GAB2: variants seen among roughly 807,000 people sequenced by gnomAD.
The protein encoded by GAB2 is GRB2 associated binding protein 2, also known as GRB2-associated-binding protein 2.
In GAB2, 26 loss-of-function variants were observed where a neutral mutation model predicts 65.5. That is an observed-to-expected ratio of 0.40 (90% CI 0.29 to 0.55). The LOEUF (loss-of-function observed/expected upper bound fraction) is 0.55, where lower values mean the gene tolerates loss of function less well. Ranked by LOEUF, GAB2 falls within the 20% of genes least tolerant of loss-of-function variation. The pLI is 0.53. For missense variants in GAB2, 884 were observed against 875.8 expected (o/e 1.01, Z -0.12); for synonymous variants, 321 against 329.6 (o/e 0.97, Z 0.28).
At position 78,219,217 on chromosome 11, in the gene GAB2, T is replaced by C. The variant is rs1005510814; in HGVS notation, c.*55A>G. 26 of 1,543,664 alleles carry C rather than the reference T, an allele frequency of 1.7e-5. No individual in the cohort carries two copies. The Admixed American group carries it at 4.4e-4, about 26-fold the overall frequency. ...AGAACGGGAGAGGGGAGAGGGGAGA[T>C]GGGAAGGGCCAGCTCTGGAGATGCT... On this transcript the variant is annotated 3_prime_UTR_variant, in exon 10 of 10. Transcript: ENST00000361507.
In GAB2 at chr11:78,221,705, C is replaced by A. The variant is rs750684716; in HGVS notation, c.1733G>T (p.Gly578Val). The change falls in exon 8 of 10, where the codon GGA (glycine) becomes GTA (valine). Residue 578 changes from glycine (G) to valine (V), a missense_variant. Physicochemically the swap from Gly to Val is moderately radical, Grantham distance 109 (BLOSUM62 -3). Transcript: ENST00000361507. ...STQSITSTDS[G>V]DSEENYVPMQ... ...AGGGACATAGTTCTCTTCGCTGTCT[C>A]CTGAGTCTGTGCTGGTGATGCTCTG... is the stretch of plus-strand genomic sequence containing the variant. 5 of 1,613,278 alleles carry A rather than the reference C, an allele frequency of 3.1e-6. No homozygotes were observed. In the African/African-American group the frequency reaches 6.7e-5, roughly 22 times the overall value.
chr11:78,248,908 TTCAGTGACCTTGGCTAAC>T (rs1288922372), intron 3 of GAB2, among the ~76,000 whole-genome samples: 1 of 152,216 alleles, frequency 6.6e-6, no homozygotes, highest in African/African-American at 2.4e-5. Flanking sequence ...CACTAACTAG[TTCAGTGACCTTGGCTAAC>T]TCACTCTATC....
intron 2 of GAB2, among the ~76,000 whole-genome samples, chr11:78,268,422 A>C (rs956800974): frequency 6.6e-6 from 1 of 152,210 alleles, no homozygotes; most frequent in African/African-American, 2.4e-5. Context: ...TCAGAGGTCC[A>C]AGGTGACCTT....
At chr11:78,335,572 G>C (rs901847142) in intron 1 of GAB2, among the ~76,000 whole-genome samples, 11 of 152,074 alleles carry the variant, frequency 7.2e-5, no homozygotes, top group African/African-American at 2.7e-4. Flanking sequence ...TTTGTTTCTG[G>C]GTTCTCTATT....
chr11:78,284,455 G>A (rs1458649029), intron 1 of GAB2, among the ~76,000 whole-genome samples: 1 of 152,246 alleles, frequency 6.6e-6, no homozygotes, highest in African/African-American at 2.4e-5. Context: ...ATGGGACTGA[G>A]CCTCATCCCA....
intron 1 of GAB2, among the ~76,000 whole-genome samples, chr11:78,343,353 A>C (rs1041341554): frequency 7.3e-6 from 1 of 136,256 alleles, no homozygotes; most frequent in Non-Finnish European, 1.6e-5. Context: ...TAGTACAAGA[A>C]GGAATAATGT....
intron 1 of GAB2, among the ~76,000 whole-genome samples, chr11:78,373,976 GATGGTTTACCCTGGAA>G (rs1856603526): frequency 6.6e-6 from 1 of 152,220 alleles, no homozygotes; most frequent in Admixed American, 6.5e-5. Context: ...GCTAAGTGAA[GATGGTTTACCCTGGAA>G]ACCTGAGACT....
At chr11:78,291,387 A>T (rs1231304707) in intron 1 of GAB2, among the ~76,000 whole-genome samples, 1 of 150,228 alleles carries the variant, frequency 6.7e-6, no homozygotes, top group Non-Finnish European at 1.5e-5. Context: ...AATGGCTTGA[A>T]CCTGGGAGGC....
intron 1 of GAB2, among the ~76,000 whole-genome samples, chr11:78,288,521 A>G (rs139669350): frequency 1.6e-4 from 24 of 152,342 alleles, no homozygotes; most frequent in African/African-American, 5.8e-4. Context: ...TCATACAGAA[A>G]TCAATTTACT....
intron 1 of GAB2, chr11:78,388,060 T>TA (rs1348929218): frequency 1.3e-5 from 2 of 149,392 alleles, no homozygotes; most frequent in Non-Finnish European, 1.5e-5. Flanking sequence ...TTTTTTTTTT[T>TA]AGACAGAGTC....
intron 2 of GAB2, among the ~76,000 whole-genome samples, chr11:78,272,011 G>A (rs534241909): frequency 2.0e-5 from 3 of 152,314 alleles, no homozygotes; most frequent in East Asian, 1.9e-4. Context: ...TGCCATCCAC[G>A]TAAGACATGA....
At chr11:78,234,103 C>T (rs953512936) in intron 3 of GAB2, among the ~76,000 whole-genome samples, 2 of 152,002 alleles carry the variant, frequency 1.3e-5, no homozygotes, top group Non-Finnish European at 2.9e-5. Flanking sequence ...TATTTAAATA[C>T]AGGGTCTTAT....
intron 1 of GAB2, among the ~76,000 whole-genome samples, chr11:78,349,037 G>C (rs1856233460): frequency 6.6e-6 from 1 of 152,230 alleles, no homozygotes; most frequent in African/African-American, 2.4e-5. Flanking sequence ...GGAAGGGAAA[G>C]ACTGCAAAGG....
chr11:78,349,104 T>C lies in GAB2; in HGVS notation c.76-68203A>G, dbSNP rs1472822859. On this transcript the variant is annotated intron_variant, in intron 1 of 9. Transcript: ENST00000361507. Reference sequence around the variant, plus strand: ...TGTTCTACATCTTCAATGTAGTACTTGTTTCATGAGTACGGACAGACACCT... The same window carrying C: ...TGTTCTACATCTTCAATGTAGTACTCGTTTCATGAGTACGGACAGACACCT... Among the ~76,000 whole-genome samples, 5 of 152,230 alleles carry C rather than the reference T, an allele frequency of 3.3e-5. No homozygotes were observed. In the East Asian group the frequency reaches 9.6e-4, roughly 29 times the overall value.
At chr11:78,380,075 C>T (rs1465445148) in intron 1 of GAB2, among the ~76,000 whole-genome samples, 1 of 152,194 alleles carries the variant, frequency 6.6e-6, no homozygotes, top group African/African-American at 2.4e-5. Context: ...TTCATTTATA[C>T]TTTTCTTTTT....
intron 1 of GAB2, among the ~76,000 whole-genome samples, chr11:78,399,313 A>T (rs898506281): frequency 6.6e-6 from 1 of 152,252 alleles, no homozygotes; most frequent in Non-Finnish European, 1.5e-5. Context: ...AAAAAGTGTC[A>T]TGGAAGCAAG....
At chr11:78,229,519 T>C (rs2134476610) in intron 3 of GAB2, among the ~76,000 whole-genome samples, 1 of 152,230 alleles carries the variant, frequency 6.6e-6, no homozygotes, top group South Asian at 2.1e-4. Flanking sequence ...TCCTCCTGCC[T>C]CTCTTATTTT....
At chr11:78,347,317 A>G (rs1047867418) in intron 1 of GAB2, among the ~76,000 whole-genome samples, 1 of 152,122 alleles carries the variant, frequency 6.6e-6, no homozygotes, top group African/African-American at 2.4e-5. Context: ...GTCAACTACC[A>G]TCTCACATTT....
chr11:78,393,847 T>C (rs766555013), intron 1 of GAB2, among the ~76,000 whole-genome samples: 34 of 152,222 alleles, frequency 2.2e-4, no homozygotes, highest in Non-Finnish European at 4.1e-4. Flanking sequence ...AAGGTAGTTA[T>C]GTAAGAGAAT....
Sources: gnomAD v4.1 joint callset for allele counts (sites outside exome capture counted in the v4.1 genomes callset) on GRCh38, gnomAD v4.1.1 for gene constraint, MANE v1.5 for transcripts, NCBI Gene and HGNC (gene_info 2026-07-23, HGNC 2026-07-21) for gene names.